Variants in DSG1 observed in about 807,000 individuals in gnomAD.
DSG1 encodes the protein desmoglein 1, also known as desmoglein-1.
In DSG1, 39 loss-of-function variants were observed where a neutral mutation model predicts 97.5. The observed-to-expected ratio is 0.40, with a 90% CI of 0.31 to 0.52. The LOEUF (loss-of-function observed/expected upper bound fraction) is 0.52. Among genes scored for constraint, DSG1 ranks in the 20% least tolerant of loss-of-function variants. The pLI is 0.53. For synonymous variants in DSG1, 475 were observed against 443.4 expected, an observed-to-expected ratio of 1.07 and a Z score of -0.90; for missense variants, 1,311 against 1,295.4, an observed-to-expected ratio of 1.01 and a Z score of -0.18.
At chr18:31,329,401 C>T (rs2071706972) in intron 4 of DSG1, among the ~76,000 whole-genome samples, 1 of 152,078 alleles carries the variant, frequency 6.6e-6, no homozygotes, top group South Asian at 2.1e-4. Context: ...GTATTCCTCA[C>T]ACAACTTTAA....
chr18:31,336,537 A>C lies in DSG1; in HGVS notation c.1189A>C (p.Asn397His), dbSNP rs1262603567. The change falls in exon 9 of 15, where the codon AAT becomes CAT. Residue 397 changes from asparagine to histidine, a missense_variant. Coordinates refer to ENST00000257192, the MANE Select transcript of DSG1 (RefSeq NM_001942.4). ...PGSKTYVVTG[N>H]MGSNDKVGDF... ...TTCAAAGACATATGTTGTAACTGGT[A>C]ATATGGGATCAAATGATAAAGTGGG... The C allele has an allele frequency of 1.9e-6, 3 of 1,613,894 alleles. No homozygotes were observed. Among genetic ancestry groups the C allele is most frequent in the Non-Finnish European group, 2.5e-6 (3 of 1,179,928 alleles).
intron 8 of DSG1, among the ~76,000 whole-genome samples, chr18:31,335,927 T>A (rs766221216): frequency 6.6e-6 from 1 of 151,638 alleles, no homozygotes; most frequent in African/African-American, 2.4e-5. Context: ...ATAGTTCTTA[T>A]GGATAAAACC....
rs2071976137 is a variant in DSG1 at position 31,358,352 on chromosome 18, A to T, written c.*3006A>T. Among the ~76,000 whole-genome samples the T allele has an allele frequency of 2.0e-5, 3 of 152,114 alleles. No homozygotes were observed. In the South Asian group the frequency reaches 6.2e-4, roughly 32 times the overall value. On this transcript the variant is annotated 3_prime_UTR_variant, in exon 15 of 15. Transcript: ENST00000257192. ...TATTTACTTCTAAGCATGTTGTCTGATGTAATTGCATTTGCACTGAAAAAT... is the reference window on the plus strand; with the variant it reads ...TATTTACTTCTAAGCATGTTGTCTGTTGTAATTGCATTTGCACTGAAAAAT...
chr18:31,339,932 C>T lies in DSG1; in HGVS notation c.1594C>T (p.Pro532Ser). ...TDSSQVYSSE[P>S]GNGAKDLLSD... ...CTCTAGCCAAGTATATTCTTCTGAACCCGGAAACGGAGCCAAAGATTTGTT... is the reference window on the plus strand; with the variant it reads ...CTCTAGCCAAGTATATTCTTCTGAATCCGGAAACGGAGCCAAAGATTTGTT... The change falls in exon 11 of 15, where the codon CCC becomes TCC. Residue 532 changes from proline to serine, a missense_variant. Coordinates refer to ENST00000257192, the MANE Select transcript of DSG1 (RefSeq NM_001942.4). 6.2e-7 allele frequency: 1 copy of T among 1,614,024 alleles called. No individual in the cohort carries two copies.
rs2071974924 is a variant in DSG1, at chr18:31,358,217, T to A, written c.*2871T>A. 1.3e-5 allele frequency among the ~76,000 whole-genome samples: 2 copies of A among 152,122 alleles called. No homozygotes were observed. The highest frequency in any genetic ancestry group is 4.1e-4 in the South Asian group (2 of 4,828). On this transcript the variant is annotated 3_prime_UTR_variant, in exon 15 of 15. Coordinates refer to ENST00000257192, the MANE Select transcript of DSG1 (RefSeq NM_001942.4). Reference sequence around the variant, plus strand: ...TCTATCTGACTGTCTAAAGAGGTAATCTTTAGGAGCAAAAATCAGTGTATT... The same window carrying A: ...TCTATCTGACTGTCTAAAGAGGTAAACTTTAGGAGCAAAAATCAGTGTATT...
At position 31,359,181 on chromosome 18, in the gene DSG1, C is replaced by T. The variant is rs892926280; in HGVS notation, c.*3835C>T. Among the ~76,000 whole-genome samples, 11 of 151,934 alleles carry T rather than the reference C, an allele frequency of 7.2e-5. No homozygotes were observed. The highest frequency in any genetic ancestry group is 2.0e-4 in the Admixed American group (3 of 15,254). ...CTAGTTTCTTGCTTGGTTATCTGTT[C>T]GTTTTTTTAAGTTGATTTGTAATTT... On this transcript the variant is annotated 3_prime_UTR_variant, in exon 15 of 15. Transcript: ENST00000257192.
At position 31,334,097 on chromosome 18, in the gene DSG1, A is replaced by T; in HGVS notation, c.900A>T (p.Ser300=). ...TAATTGATTTGGATGAAGAGTTCTC[A>T]GCTAACTGGATGGCAGTAATTTTCT... ...IRVIDLDEEF[S]ANWMAVIFFI... Residue 300 remains serine (S), a synonymous_variant, in exon 8 of 15, where the codon TCA becomes TCT. Transcript: ENST00000257192. 2 of 1,610,266 alleles carry T rather than the reference A, an allele frequency of 1.2e-6. No homozygotes were observed. Among genetic ancestry groups the T allele is most frequent in the Non-Finnish European group, 1.7e-6 (2 of 1,176,694 alleles).
At chr18:31,350,868 T>C (rs1477665980) in intron 14 of DSG1, among the ~76,000 whole-genome samples, 2 of 151,050 alleles carry the variant, frequency 1.3e-5, no homozygotes, top group Admixed American at 6.6e-5. Flanking sequence ...TTTTTTTCTT[T>C]ATTAGTCTTG....
chr18:31,344,074 ATTATC>A (rs1272470807), intron 13 of DSG1, 79 bp downstream of exon 13: 58 of 1,066,594 alleles, frequency 5.4e-5, no homozygotes, highest in Non-Finnish European at 7.2e-5. Context: ...TTGTTTTTTA[ATTATC>A]TTATTTTTCT....
In DSG1 at chr18:31,355,041, G is replaced by A. The variant is rs1244342194; in HGVS notation, c.2845G>A (p.Val949Ile). The A allele has an allele frequency of 6.2e-7, 1 of 1,614,102 alleles. No homozygotes were observed. The highest frequency in any genetic ancestry group is 8.5e-7 in the Non-Finnish European group (1 of 1,180,048). ...MHPELANAHN[V>I]IVTERVVSGA... ...CCCCGAGTTAGCCAATGCCCACAAT[G>A]TCATTGTGACAGAGAGGGTTGTTTC... The change falls in exon 15 of 15, where the codon GTC (valine) becomes ATC (isoleucine). Residue 949 changes from valine (V) to isoleucine (I), a missense_variant. Physicochemically the swap from Val to Ile is conservative, Grantham distance 29 (BLOSUM62 3). Around this residue, in one of 3 missense-constraint regions of DSG1, gnomAD observed 1,038 missense variants for 964.6 expected, o/e 1.08. Coordinates refer to ENST00000257192, the MANE Select transcript of DSG1 (RefSeq NM_001942.4).
chr18:31,320,316 T>C (rs1458687700), intron 1 of DSG1, among the ~76,000 whole-genome samples: 1 of 152,216 alleles, frequency 6.6e-6, no homozygotes. Context: ...GTAAAGTCTT[T>C]ATATTCGTCT....
At chr18:31,335,369 G>A (rs1358409866) in intron 8 of DSG1, among the ~76,000 whole-genome samples, 1 of 152,050 alleles carries the variant, frequency 6.6e-6, no homozygotes, top group African/African-American at 2.4e-5. Context: ...TGGGGAAATT[G>A]GAGTCTAATC....
intron 1 of DSG1, among the ~76,000 whole-genome samples, chr18:31,326,116 G>T (rs955134762): frequency 6.6e-6 from 1 of 151,326 alleles, no homozygotes; most frequent in Non-Finnish European, 1.5e-5. Flanking sequence ...ATCTATTGTG[G>T]CAATTTTTTT....
At chr18:31,329,590 G>T (rs527853209) in intron 4 of DSG1, among the ~76,000 whole-genome samples, 1 of 151,626 alleles carries the variant, frequency 6.6e-6, no homozygotes, top group Admixed American at 6.6e-5. Flanking sequence ...GTATCATAAT[G>T]CCTTTATATA....
chr18:31,333,805 CAT>C (rs1360755464), intron 7 of DSG1, 82 bp downstream of exon 7: 63 of 1,529,144 alleles, frequency 4.1e-5, no homozygotes, highest in South Asian at 2.3e-4. Flanking sequence ...TACAGAGGCA[CAT>C]GTTATGTTTA....
chr18:31,354,065 TC>T (rs1302964677), intron 14 of DSG1: 2 of 518,880 alleles, frequency 3.9e-6, no homozygotes, highest in African/African-American at 3.8e-5. Context: ...AATAAGTCCA[TC>T]TAAGTAAATT....
chr18:31,328,700 A>G lies in DSG1; in HGVS notation c.372+356A>G, dbSNP rs188689483. 2.6e-4 allele frequency among the ~76,000 whole-genome samples: 39 copies of G among 152,282 alleles called. 1 individual carries two copies. The highest frequency in any genetic ancestry group is 3.4e-3 in the Middle Eastern group (1 of 294). On this transcript the variant is annotated intron_variant, in intron 4 of 14. Coordinates refer to ENST00000257192, the MANE Select transcript of DSG1 (RefSeq NM_001942.4). Reference sequence around the variant, plus strand: ...CAAGTAATGATTCTAGAGCTACTGCAGGACTGTTTTCTGAGCAAATATACT... The same window carrying G: ...CAAGTAATGATTCTAGAGCTACTGCGGGACTGTTTTCTGAGCAAATATACT...
rs1455582157 is a variant in DSG1 at position 31,330,661 on chromosome 18, A to T, written c.517+625A>T. Among the ~76,000 whole-genome samples, 3 of 152,262 alleles carry T rather than the reference A, an allele frequency of 2.0e-5. No homozygotes were observed. The East Asian group carries it at 5.8e-4, about 29-fold the overall frequency. ...TGCATTTCCTAGTACCATTCTTCAG[A>T]GGTATGCACTGTGTACATGCGCTCC... is the stretch of plus-strand genomic sequence containing the variant. On this transcript the variant is annotated intron_variant, in intron 5 of 14. Coordinates refer to ENST00000257192, the MANE Select transcript of DSG1 (RefSeq NM_001942.4).
chr18:31,321,328 A>T (rs1375492506), intron 1 of DSG1, among the ~76,000 whole-genome samples: 1 of 152,164 alleles, frequency 6.6e-6, no homozygotes, highest in Non-Finnish European at 1.5e-5. Context: ...GCAAGAGAAG[A>T]ACTAACAAAT....
Sources: allele counts gnomAD v4.1 joint callset (sites outside exome capture counted in the v4.1 genomes callset), GRCh38; gene constraint gnomAD v4.1.1; regional missense constraint gnomAD v4.1.1; transcripts MANE v1.5; gene names NCBI Gene and HGNC (gene_info 2026-07-23, HGNC 2026-07-21).